The following CPD variants were observed in gnomAD, a reference collection of about 807,000 sequenced individuals.
CPD encodes the protein metallocarboxypeptidase D.
Under a neutral mutation model 138.3 loss-of-function variants are expected in CPD, and 69 were observed. The ratio of observed to expected loss-of-function variants is 0.50; its 90% CI spans 0.41 to 0.61. The LOEUF (loss-of-function observed/expected upper bound fraction) is 0.61. Ranked by LOEUF, CPD falls within the 20% of genes least tolerant of loss-of-function variation. CPD has a pLI of 0.00. For missense variants in CPD, 1,432 were observed against 1,733.3 expected, an observed-to-expected ratio of 0.83 and a Z score of 3.09; for synonymous variants, 651 against 642.1, an observed-to-expected ratio of 1.01 and a Z score of -0.21.
intron 13 of CPD, among the ~76,000 whole-genome samples, chr17:30,450,008 G>A (rs981591170): frequency 3.3e-5 from 5 of 149,702 alleles, no homozygotes; most frequent in Admixed American, 6.7e-5. Context: ...TTCCTACTCC[G>A]TCATTTAATA....
chr17:30,423,453 C>T, intron 5 of CPD, 53 bp from the exon 6 acceptor site: 2 of 1,326,834 alleles, frequency 1.5e-6, no homozygotes, highest in Non-Finnish European at 2.0e-6. Flanking sequence ...AAAACTGAGT[C>T]CATGATGATT....
At chr17:30,380,719 A>ACCAT (rs1021283081) in intron 1 of CPD, 1 of 1,016,116 alleles carries the variant, frequency 9.8e-7, no homozygotes, top group Non-Finnish European at 1.4e-6. Flanking sequence ...AATAACACGG[A>ACCAT]CCATCTCTGT....
At chr17:30,424,515 G>T (rs1297953728) in intron 6 of CPD, among the ~76,000 whole-genome samples, 1 of 152,174 alleles carries the variant, frequency 6.6e-6, no homozygotes, top group Non-Finnish European at 1.5e-5. Flanking sequence ...CTATTGAGCG[G>T]GGCCTTAGAA....
chr17:30,389,427 A>G (rs1911288262), intron 2 of CPD, among the ~76,000 whole-genome samples: 1 of 152,220 alleles, frequency 6.6e-6, no homozygotes, highest in African/African-American at 2.4e-5. Context: ...TAATTTTTAC[A>G]TTTCAGTCCT....
At chr17:30,380,041 A>G (rs1181889430) in intron 1 of CPD, among the ~76,000 whole-genome samples, 1 of 152,278 alleles carries the variant, frequency 6.6e-6, no homozygotes, top group African/African-American at 2.4e-5. Context: ...AACCTAGGTC[A>G]GCTCACACAT....
rs771840562 is a variant in CPD, at chr17:30,461,280, A to G, written c.3599A>G (p.Asn1200Ser). ...CGACTCCCTTCCTTGTGGGCAGACAATAAGAGATCTCTTCTTAGTATGTTA... is the reference window on the plus strand; with the variant it reads ...CGACTCCCTTCCTTGTGGGCAGACAGTAAGAGATCTCTTCTTAGTATGTTA... The part of the protein sequence containing the change: ...AARLPSLWAD[N>S]KRSLLSMLVE... Residue 1200 changes from asparagine to serine, a missense_variant, in exon 18 of 21, where the codon AAT becomes AGT. By Grantham distance (46) the Asn-to-Ser change is conservative. Transcript: ENST00000225719. The G allele has an allele frequency of 6.2e-7, 1 of 1,609,498 alleles. No homozygotes were observed. The highest frequency in any genetic ancestry group is 1.7e-5 in the Admixed American group (1 of 59,128).
chr17:30,426,060 C>T (rs1597721195), intron 6 of CPD, among the ~76,000 whole-genome samples: 3 of 151,948 alleles, frequency 2.0e-5, no homozygotes, highest in Non-Finnish European at 2.9e-5. Context: ...ATTAGCTGGG[C>T]GTGGTGGCGC....
At chr17:30,417,201 G>GT (rs1484599187) in intron 2 of CPD, among the ~76,000 whole-genome samples, 1 of 151,898 alleles carries the variant, frequency 6.6e-6, no homozygotes, top group Non-Finnish European at 1.5e-5. Context: ...AATTCTATAA[G>GT]TTTTTTATAT....
intron 12 of CPD, 24 bp from the exon 13 acceptor site, chr17:30,449,527 ATT>A: frequency 6.4e-7 from 1 of 1,555,034 alleles, no homozygotes; most frequent in Non-Finnish European, 8.6e-7. Flanking sequence ...TTACTTGCTG[ATT>A]TTTTTGTTTC....
At position 30,420,843 on chromosome 17, in the gene CPD, G is replaced by T; in HGVS notation, c.997G>T (p.Gly333Cys). The change falls in exon 3 of 21, where the codon GGT becomes TGT. Residue 333 changes from glycine to cysteine, a missense_variant and splice_region_variant. Around this residue, in one of 6 missense-constraint regions of CPD, gnomAD observed 484 missense variants for 477.2 expected, o/e 1.01. Transcript: ENST00000225719. ...AACTTATTTTTTCTATGTTACAGGTGGTATGCAAGATTACAATTATGTGTG... is the reference window on the plus strand; with the variant it reads ...AACTTATTTTTTCTATGTTACAGGTTGTATGCAAGATTACAATTATGTGTG... ...NGAHWYDVEGGMQDYNYVWAN... is the reference protein window; with the variant it reads ...NGAHWYDVEGCMQDYNYVWAN... 6.2e-7 allele frequency: 1 copy of T among 1,607,616 alleles called. No homozygotes were observed. Among genetic ancestry groups the T allele is most frequent in the South Asian group, 1.1e-5 (1 of 89,968 alleles).
chr17:30,421,088 T>C (rs1912254515), intron 3 of CPD, 105 bp downstream of exon 3: 1 of 774,784 alleles, frequency 1.3e-6, no homozygotes, highest in Non-Finnish European at 1.9e-6. Context: ...ATGTCATTTA[T>C]CTCTTTTTAT....
rs191684973 is a variant in CPD at position 30,407,029 on chromosome 17, T to C, written c.995-13812T>C. 2.0e-5 allele frequency among the ~76,000 whole-genome samples: 3 copies of C among 152,294 alleles called. No individual in the cohort carries two copies. The East Asian group carries it at 5.8e-4, about 29-fold the overall frequency. On this transcript the variant is annotated intron_variant, in intron 2 of 20. Coordinates refer to ENST00000225719, the MANE Select transcript of CPD (RefSeq NM_001304.5). ...CTGCCCTGTGTCCATGTGTTCTCATTGTTCAATTCCCACCTATGAGTGAGA... is the reference window on the plus strand; with the variant it reads ...CTGCCCTGTGTCCATGTGTTCTCATCGTTCAATTCCCACCTATGAGTGAGA...
intron 2 of CPD, among the ~76,000 whole-genome samples, chr17:30,415,993 G>A (rs986292125): frequency 6.6e-6 from 1 of 152,180 alleles, no homozygotes; most frequent in African/African-American, 2.4e-5. Flanking sequence ...AGTGGCAAAA[G>A]GGGAGTTGTT....
At chr17:30,451,091 A>G (rs2143487933) in intron 13 of CPD, among the ~76,000 whole-genome samples, 1 of 152,330 alleles carries the variant, frequency 6.6e-6, no homozygotes, top group Admixed American at 6.5e-5. Context: ...CCCTGTGATA[A>G]TGATTATCTC....
chr17:30,411,040 T>C (rs1202734922), intron 2 of CPD, among the ~76,000 whole-genome samples: 1 of 152,226 alleles, frequency 6.6e-6, no homozygotes, highest in East Asian at 1.9e-4. Context: ...GGAGCTCTTG[T>C]AAGGCAGGTC....
In CPD at chr17:30,431,858, C is replaced by A; in HGVS notation, c.2104C>A (p.Gln702Lys). 1 of 1,606,884 alleles carries A rather than the reference C, an allele frequency of 6.2e-7. No individual in the cohort carries two copies. Among genetic ancestry groups the A allele is most frequent in the Non-Finnish European group, 8.5e-7 (1 of 1,175,086 alleles). ...ATCACCAGATGATGCTGTGTTCCAA[C>A]AAATAGCACTTTCTTATTCCAAGGT... The part of the protein sequence containing the change: ...SKSPDDAVFQ[Q>K]IALSYSKENS... Residue 702 changes from glutamine to lysine, a missense_variant, in exon 8 of 21, where the codon CAA (glutamine) becomes AAA (lysine). Gln to Lys is a moderately conservative substitution (Grantham distance 53). Transcript: ENST00000225719.
At chr17:30,420,780 G>C (rs1427786300) in intron 2 of CPD, 61 bp from the exon 3 acceptor site, 1 of 1,453,104 alleles carries the variant, frequency 6.9e-7, no homozygotes, top group African/African-American at 1.4e-5. Context: ...AATTTCTTCA[G>C]TCTTTTGGAG....
intron 8 of CPD, among the ~76,000 whole-genome samples, chr17:30,434,187 T>G: frequency 6.6e-6 from 1 of 151,980 alleles, no homozygotes. Flanking sequence ...TCTCCCAGGG[T>G]TTTTCTTTAA....
chr17:30,437,994 G>C (rs1016967705), intron 8 of CPD, among the ~76,000 whole-genome samples: 2 of 140,080 alleles, frequency 1.4e-5, no homozygotes, highest in African/African-American at 2.6e-5. Flanking sequence ...GTAGCACCAT[G>C]TGTGGCTTTT....
Sources: gnomAD v4.1 joint callset for allele counts (sites outside exome capture counted in the v4.1 genomes callset) on GRCh38, gnomAD v4.1.1 for gene constraint, gnomAD v4.1.1 regional missense constraint, MANE v1.5 for transcripts, NCBI Gene and HGNC (gene_info 2026-07-23, HGNC 2026-07-21) for gene names.